The following CARD14 variants were observed in gnomAD, a reference collection of about 807,000 sequenced individuals.
CARD14 encodes caspase recruitment domain-containing protein 14.
A neutral mutation model predicts 111.5 loss-of-function variants in CARD14; 107 were observed. That is an observed-to-expected ratio of 0.96 (90% confidence interval 0.82 to 1.13). The LOEUF (loss-of-function observed/expected upper bound fraction) is 1.13. Among genes scored for constraint, CARD14 ranks in the 50% most tolerant of loss-of-function variants. The pLI is 0.00. For missense variants in CARD14, 1,322 were observed against 1,362.3 expected (o/e 0.97, Z 0.47); for synonymous variants, 617 against 579.6 (o/e 1.06, Z -0.93).
At chr17:80,180,619 C>T (rs1225099274) in intron 4 of CARD14, among the ~76,000 whole-genome samples, 1 of 152,204 alleles carries the variant, frequency 6.6e-6, no homozygotes, top group East Asian at 1.9e-4. Flanking sequence ...CTCTGTTGCC[C>T]AGGCTGGAGT....
rs372429076 is a variant in CARD14, at chr17:80,205,666, C to A, written c.2691+14C>A. The A allele has an allele frequency of 5.5e-6, 3 of 546,812 alleles. No individual in the cohort carries two copies. Among genetic ancestry groups the A allele is most frequent in the South Asian group, 1.6e-5 (1 of 61,184 alleles). 33.9% of individuals were successfully genotyped at this position (546,812 alleles called of 1,614,324 possible). A position where few individuals can be genotyped will look rare whatever the true frequency, so the allele number is the denominator to read the frequency against. ...CTCATGGAAAAGGTGAGGTCAAGGG[C>A]GGGGTGGGCAGGGGAGCTGTCCTGG... On this transcript the variant is annotated intron_variant, in intron 22 of 23. Transcript: ENST00000648509.
rs1214747746 is a variant in CARD14, at chr17:80,188,502, G to A, written c.801G>A (p.Leu267=). ...CCGGGGATGAGGAGCTGAACCGCCT[G>A]AAGGAGGAGAATGAGAAACTGCGCT... ...QESGDEELNR[L]KEENEKLRSL... The change falls in exon 8 of 24, where the codon CTG becomes CTA. Residue 267 remains leucine (L), a synonymous_variant. Coordinates refer to ENST00000648509, the MANE Select transcript of CARD14 (RefSeq NM_001366385.1). The surrounding 1 kb of genome is among the most constrained non-coding windows in gnomAD (Gnocchi z 4.5). 1 of 1,562,222 alleles carries A rather than the reference G, an allele frequency of 6.4e-7. No homozygotes were observed.
Position 80,208,335 on chromosome 17 carries a change from G to GC in CARD14, c.3010dup (p.Arg1004ProfsTer61), listed in dbSNP as rs1436935621. 2 of 1,597,020 alleles carry GC rather than the reference G, an allele frequency of 1.3e-6. No homozygotes were observed. The highest frequency in any genetic ancestry group is 1.7e-5 in the Admixed American group (1 of 58,200). On this transcript the variant is annotated frameshift_variant, in exon 24 of 24. Transcript: ENST00000648509. LOFTEE classifies it high-confidence loss of function. ...AAGAAGGTGGTGTGGACGGAGCAGA[G>GC]CCCCCGATGATGCACCGTGCCCCTT...
intron 7 of CARD14, among the ~76,000 whole-genome samples, chr17:80,185,561 A>T (rs2044102): frequency 5.3e-5 from 8 of 151,956 alleles, no homozygotes; most frequent in African/African-American, 1.7e-4. Context: ...ATATAGCCAC[A>T]GTGCAGTTCT....
At chr17:80,172,475 T>C (rs900838752) in intron 1 of CARD14, among the ~76,000 whole-genome samples, 1 of 152,206 alleles carries the variant, frequency 6.6e-6, no homozygotes, top group African/African-American at 2.4e-5. Context: ...TCTAGAACTT[T>C]CCCCACTTCA....
At chr17:80,202,694 CTGGATCCCCGTCTG>C in intron 18 of CARD14, 1 of 1,124,782 alleles carries the variant, frequency 8.9e-7, no homozygotes, top group Non-Finnish European at 1.2e-6. Flanking sequence ...ACGTTTGGGG[CTGGATCCCCGTCTG>C]TGGTGGGGCC....
chr17:80,205,374 G>C lies in CARD14; in HGVS notation c.2570-157G>C, dbSNP rs145794537. 3.1e-3 allele frequency: 3,636 copies of C among 1,179,140 alleles called. 15 individuals are homozygous for C. Among genetic ancestry groups the C allele is most frequent in the Non-Finnish European group, 3.9e-3 (3,262 of 837,534 alleles). The allele number at this position is 1,179,140 out of a possible 1,614,324, so 73.0% of individuals were successfully genotyped here. On this transcript the variant is annotated intron_variant, in intron 21 of 23. Transcript: ENST00000648509. ...GTTCAGGATGGAGGTGCAGGGCACAGAGCGGGGTGTGCAGGGTCAGGTTTG... is the reference window on the plus strand; with the variant it reads ...GTTCAGGATGGAGGTGCAGGGCACACAGCGGGGTGTGCAGGGTCAGGTTTG...
intron 4 of CARD14, among the ~76,000 whole-genome samples, chr17:80,180,257 A>T (rs1278227831): frequency 6.6e-6 from 1 of 152,088 alleles, no homozygotes; most frequent in Non-Finnish European, 1.5e-5. Flanking sequence ...TGTAACGGCG[A>T]CCTGCTTCGT....
chr17:80,205,439 C>T (rs1411203935), intron 21 of CARD14, 92 bp from the exon 22 acceptor site: 7 of 1,502,094 alleles, frequency 4.7e-6, no homozygotes, highest in Non-Finnish European at 6.3e-6. Context: ...CCAGTGCTGG[C>T]AGGGTTCACG....
chr17:80,193,668 A>T (rs373500896), intron 12 of CARD14, among the ~76,000 whole-genome samples: 1 of 152,138 alleles, frequency 6.6e-6, no homozygotes, highest in Non-Finnish European at 1.5e-5. Context: ...GGACCATCCC[A>T]TCAGTGGCCC....
chr17:80,184,123 A>T lies in CARD14; in HGVS notation c.560A>T (p.His187Leu), dbSNP rs1260414547. The T allele has an allele frequency of 2.5e-6, 4 of 1,573,596 alleles. No individual in the cohort carries two copies. Among genetic ancestry groups the T allele is most frequent in the Non-Finnish European group, 1.7e-6 (2 of 1,159,874 alleles). ...HSRMKREVSAHFHEVLRLKDE... is the reference protein window; with the variant it reads ...HSRMKREVSALFHEVLRLKDE... ...CGCATGAAGCGTGAGGTTAGCGCAC[A>T]CTTCCATGAGGTGCTGAGGCTGAAG... Residue 187 changes from histidine to leucine, a missense_variant, in exon 7 of 24, where the codon CAC becomes CTC. Coordinates refer to ENST00000648509, the MANE Select transcript of CARD14 (RefSeq NM_001366385.1).
chr17:80,191,371 G>A lies in CARD14; in HGVS notation c.1138G>A (p.Val380Met). Residue 380 changes from valine to methionine, a missense_variant, in exon 11 of 24, where the codon GTG becomes ATG. Val to Met is a conservative substitution (Grantham distance 21, BLOSUM62 1). Transcript: ENST00000648509. ...TCAGAGGGAGATTTCCCAGAGCCTG[G>A]TGGAGAAGGACTCCCTCCGCAGGCA... The part of the protein sequence containing the change: ...SAQREISQSL[V>M]EKDSLRRQVF... 1 of 1,613,974 alleles carries A rather than the reference G, an allele frequency of 6.2e-7. No individual in the cohort carries two copies. The highest frequency in any genetic ancestry group is 8.5e-7 in the Non-Finnish European group (1 of 1,180,012).
chr17:80,191,763 T>C (rs1300195556), intron 11 of CARD14, among the ~76,000 whole-genome samples: 1 of 151,768 alleles, frequency 6.6e-6, no homozygotes, highest in African/African-American at 2.4e-5. Context: ...ACCTGTGGAG[T>C]GTGGTGATGG....
chr17:80,180,265 C>CGTGTAT (rs2040127122), intron 4 of CARD14, among the ~76,000 whole-genome samples: 1 of 152,154 alleles, frequency 6.6e-6, no homozygotes, highest in Non-Finnish European at 1.5e-5. Context: ...CGACCTGCTT[C>CGTGTAT]GTGTATTCTG....
intron 18 of CARD14, 115 bp downstream of exon 18, chr17:80,202,535 C>G (rs889510103): frequency 6.7e-7 from 1 of 1,483,088 alleles, no homozygotes; most frequent in African/African-American, 1.4e-5. Flanking sequence ...GTGGTGAGAC[C>G]CCCCTAAGGA....
Position 80,189,991 on chromosome 17 carries a change from C to A in CARD14, c.963+119C>A. ...GCCGAGCTCACATAATTTTGCTGAACGAATCTGTCGGCCTGTTCATCTGTC... is the reference window on the plus strand; with the variant it reads ...GCCGAGCTCACATAATTTTGCTGAAAGAATCTGTCGGCCTGTTCATCTGTC... On this transcript the variant is annotated intron_variant, in intron 9 of 23. Coordinates refer to ENST00000648509, the MANE Select transcript of CARD14 (RefSeq NM_001366385.1). This position sits in a 1 kb window ranked among gnomAD's most constrained non-coding sequence, Gnocchi z 4.7. The A allele has an allele frequency of 1.5e-6, 2 of 1,363,146 alleles. No individual in the cohort carries two copies. The highest frequency in any genetic ancestry group is 1.9e-6 in the Non-Finnish European group (2 of 1,033,860). The allele number at this position is 1,363,146 out of a possible 1,614,324, so 84.4% of individuals were successfully genotyped here. A position where few individuals can be genotyped will look rare whatever the true frequency, so the allele number is the denominator to read the frequency against.
At position 80,195,942 on chromosome 17, in the gene CARD14, G is replaced by T; in HGVS notation, c.1594+290G>T. On this transcript the variant is annotated intron_variant, in intron 14 of 23. Coordinates refer to ENST00000648509, the MANE Select transcript of CARD14 (RefSeq NM_001366385.1). This position sits in a 1 kb window ranked among gnomAD's most constrained non-coding sequence, Gnocchi z 4.7. ...CGCCCTGCTCAGCACCCAGCCCCCT[G>T]CTCTGATCTGTAACGCTTGGGCTTC... 2.7e-6 allele frequency: 1 copy of T among 372,960 alleles called. No homozygotes were observed. The highest frequency in any genetic ancestry group is 4.9e-6 in the Non-Finnish European group (1 of 204,046). The allele number at this position is 372,960 out of a possible 1,614,324, so 23.1% of individuals were successfully genotyped here.
chr17:80,190,796 C>A lies in CARD14; in HGVS notation c.986C>A (p.Thr329Asn). The change falls in exon 10 of 24, where the codon ACC becomes AAC. Residue 329 changes from threonine to asparagine, a missense_variant. Transcript: ENST00000648509. ...REQYWEEKEQ[T>N]LLQFQKSKMA... ...CAGTACTGGGAAGAGAAGGAACAGA[C>A]CCTGCTGCAGTTCCAGAAGAGTAAG... The A allele has an allele frequency of 1.2e-6, 2 of 1,614,144 alleles. No individual in the cohort carries two copies. Among genetic ancestry groups the A allele is most frequent in the Non-Finnish European group, 8.5e-7 (1 of 1,180,026 alleles).
chr17:80,199,561 C>CAAAAAAAAAA, intron 16 of CARD14, among the ~76,000 whole-genome samples: 1 of 68,784 alleles, frequency 1.5e-5, no homozygotes, highest in Non-Finnish European at 2.6e-5. Context: ...AGCCTTGTCT[C>CAAAAAAAAAA]AAAAAAAAAA....
Sources: gnomAD v4.1 joint callset for allele counts (sites outside exome capture counted in the v4.1 genomes callset) on GRCh38, gnomAD v4.1.1 for gene constraint, Gnocchi (gnomAD v3.1) non-coding constraint, MANE v1.5 for transcripts, NCBI Gene and HGNC (gene_info 2026-07-23, HGNC 2026-07-21) for gene names.